Variants in IL18RAP observed in about 807,000 individuals in gnomAD.
IL18RAP encodes interleukin-18 receptor accessory protein.
In IL18RAP, 37 loss-of-function variants were observed where a neutral mutation model predicts 58.1. The ratio of observed to expected loss-of-function variants is 0.64; its 90% confidence interval spans 0.49 to 0.84. IL18RAP has a LOEUF of 0.84. Among genes scored for constraint, IL18RAP ranks in the 40% least tolerant of loss-of-function variants. The pLI, the probability that IL18RAP is intolerant of heterozygous loss-of-function variation, is 0.00. For synonymous variants in IL18RAP, 268 were observed against 257.5 expected (o/e 1.04, Z -0.39); for missense variants, 667 against 704.8 (o/e 0.95, Z 0.61).
At chr2:102,443,090 C>A (rs1683202356) in intron 5 of IL18RAP, 110 bp from the exon 6 acceptor site, 44 of 1,032,220 alleles carry the variant, frequency 4.3e-5, no homozygotes, top group Non-Finnish European at 5.8e-5. Context: ...ATTCTACCTG[C>A]AAACCTGATT....
At chr2:102,446,597 C>T (rs185527899) in intron 7 of IL18RAP, among the ~76,000 whole-genome samples, 1 of 152,090 alleles carries the variant, frequency 6.6e-6, no homozygotes, top group East Asian at 1.9e-4. Flanking sequence ...ATAATGGTAT[C>T]CACCATCCTG....
intron 3 of IL18RAP, among the ~76,000 whole-genome samples, chr2:102,427,778 C>T (rs1682050933): frequency 6.6e-6 from 1 of 152,004 alleles, no homozygotes; most frequent in African/African-American, 2.4e-5. Context: ...TTGCCCATAA[C>T]AGTGCTGTAG....
At chr2:102,433,552 G>T (rs1682537614) in intron 3 of IL18RAP, among the ~76,000 whole-genome samples, 1 of 148,254 alleles carries the variant, frequency 6.7e-6, no homozygotes, top group Non-Finnish European at 1.5e-5. Context: ...TTTTGAGATG[G>T]AATCTCTCTC....
intron 8 of IL18RAP, among the ~76,000 whole-genome samples, chr2:102,448,562 A>C (rs1309519205): frequency 2.0e-5 from 3 of 152,130 alleles, no homozygotes; most frequent in Non-Finnish European, 4.4e-5. Flanking sequence ...TTCACGGATA[A>C]TTATTTACCT....
At chr2:102,443,438 A>T in intron 6 of IL18RAP, 115 bp downstream of exon 6, 1 of 1,235,100 alleles carries the variant, frequency 8.1e-7, no homozygotes, top group Non-Finnish European at 1.1e-6. Flanking sequence ...ACTAGTGGTG[A>T]AAATAAAAGC....
chr2:102,447,714 G>GTATGTATA, intron 8 of IL18RAP, among the ~76,000 whole-genome samples: 1 of 143,498 alleles, frequency 7.0e-6, no homozygotes, highest in Non-Finnish European at 1.5e-5. Flanking sequence ...ATTTATGTAT[G>GTATGTATA]TATGTATGTA....
chr2:102,446,416 A>G (rs1683418018), intron 7 of IL18RAP, among the ~76,000 whole-genome samples: 1 of 152,112 alleles, frequency 6.6e-6, no homozygotes, highest in Admixed American at 6.5e-5. Context: ...AGCAGTGTAC[A>G]CTACACCCGT....
intron 1 of IL18RAP, 23 bp from the exon 2 acceptor site, chr2:102,423,788 G>GT (rs1681736206): frequency 7.1e-7 from 1 of 1,412,144 alleles, no homozygotes; most frequent in Non-Finnish European, 9.4e-7. Flanking sequence ...GTTTCCATGT[G>GT]CTTTGTTTAT....
At chr2:102,441,522 T>C in intron 5 of IL18RAP, 145 bp downstream of exon 5, 1 of 631,250 alleles carries the variant, frequency 1.6e-6, no homozygotes, top group South Asian at 1.9e-5. Flanking sequence ...TTTGTGACTT[T>C]GCACAGTTAC....
At chr2:102,420,807 A>G (rs1433172466), upstream of IL18RAP, among the ~76,000 whole-genome samples, 1 of 152,208 alleles carries the variant, frequency 6.6e-6, no homozygotes, top group African/African-American at 2.4e-5. Context: ...GAGGTCCAAA[A>G]AGAGCCTAAG....
intron 4 of IL18RAP, among the ~76,000 whole-genome samples, chr2:102,440,752 T>C (rs555596079): frequency 6.6e-6 from 1 of 152,282 alleles, no homozygotes; most frequent in East Asian, 1.9e-4. Flanking sequence ...GATTTTTCTT[T>C]ATCCAGAAAA....
intron 9 of IL18RAP, 125 bp from the exon 10 acceptor site, chr2:102,451,641 T>C (rs1402401532): frequency 6.6e-6 from 5 of 755,702 alleles, no homozygotes; most frequent in Non-Finnish European, 1.1e-5. Context: ...ATAGAGCTGA[T>C]ACAGTGTAAG....
intron 4 of IL18RAP, among the ~76,000 whole-genome samples, chr2:102,440,933 G>C (rs1299928796): frequency 1.3e-5 from 2 of 152,170 alleles, no homozygotes; most frequent in Non-Finnish European, 1.5e-5. Flanking sequence ...TGCTTGACTT[G>C]CACAGTTTCT....
chr2:102,447,027 C>A, intron 7 of IL18RAP, 43 bp from the exon 8 acceptor site: 1 of 1,600,044 alleles, frequency 6.2e-7, no homozygotes, highest in Non-Finnish European at 8.5e-7. Context: ...TTGGTCCAAT[C>A]CCGCTGCCTC....
intron 1 of IL18RAP, 96 bp from the exon 2 acceptor site, chr2:102,423,715 C>A (rs1277161706): frequency 1.0e-5 from 9 of 878,158 alleles, no homozygotes; most frequent in South Asian, 3.5e-5. Flanking sequence ...CACAAGGAAG[C>A]TAGATCTCTT....
At chr2:102,428,728 C>A (rs746339145) in intron 3 of IL18RAP, among the ~76,000 whole-genome samples, 4 of 151,896 alleles carry the variant, frequency 2.6e-5, no homozygotes, top group Non-Finnish European at 4.4e-5. Flanking sequence ...CTGGCTAGGA[C>A]TTCCAGTGCT....
chr2:102,446,256 A>T (rs191816057), intron 7 of IL18RAP, among the ~76,000 whole-genome samples: 3 of 152,290 alleles, frequency 2.0e-5, no homozygotes, highest in African/African-American at 7.2e-5. Context: ...TGGGGTCTCT[A>T]GTGTTTATTG....
In IL18RAP at chr2:102,451,864, C is replaced by T; in HGVS notation, c.1483C>T (p.Gln495Ter). ...CAATGGACCCAGTATCTTTGAACTA[C>T]AAGCAGCAGTGAATCTTGCCTTGGA... ...YVNGPSIFEL[Q>*]AAVNLALDDQ... The change falls in exon 10 of 10, where the codon CAA becomes TAA. Residue 495 changes from glutamine (Q) to a stop codon, truncating the protein, a stop_gained. Transcript: ENST00000687160. LOFTEE classifies it low-confidence loss of function (END_TRUNC). 6.2e-7 allele frequency: 1 copy of T among 1,614,164 alleles called. No individual in the cohort carries two copies. The highest frequency in any genetic ancestry group is 8.5e-7 in the Non-Finnish European group (1 of 1,179,976).
chr2:102,445,052 T>A, intron 6 of IL18RAP, 137 bp from the exon 7 acceptor site: 2 of 647,762 alleles, frequency 3.1e-6, no homozygotes, highest in Non-Finnish European at 5.2e-6. Context: ...CCATCTTACA[T>A]TCTCGTGGTA....
Sources: gnomAD v4.1 joint callset for allele counts (sites outside exome capture counted in the v4.1 genomes callset) on GRCh38, gnomAD v4.1.1 for gene constraint, MANE v1.5 for transcripts, NCBI Gene and HGNC (gene_info 2026-07-23, HGNC 2026-07-21) for gene names.